The following TYMS variants were observed in gnomAD, a reference collection of about 807,000 sequenced individuals.
The protein encoded by TYMS is thymidylate synthase.
In TYMS, 21 loss-of-function variants were observed where a neutral mutation model predicts 39.3. The observed-to-expected ratio is 0.54, with a 90% CI of 0.38 to 0.77. The LOEUF (loss-of-function observed/expected upper bound fraction) is 0.77, where lower values mean the gene tolerates loss of function less well. Among genes scored for constraint, TYMS ranks in the 30% least tolerant of loss-of-function variants. TYMS has a pLI of 0.00. For missense variants in TYMS, 273 were observed against 406.7 expected, an observed-to-expected ratio of 0.67 and a Z score of 2.83; for synonymous variants, 171 against 162.2, an observed-to-expected ratio of 1.05 and a Z score of -0.41.
chr18:658,401 TGGGCGGGGCAAAGGC>T lies in TYMS; in HGVS notation c.205+457_205+471del, dbSNP rs2074717142. 8.2e-7 allele frequency: 1 copy of T among 1,222,206 alleles called. No individual in the cohort carries two copies. The highest frequency in any genetic ancestry group is 1.6e-5 in the African/African-American group (1 of 62,628). The allele number at this position is 1,222,206 out of a possible 1,614,324, so 75.7% of individuals were successfully genotyped here. ...TTCAAAAACTGGAGCGAAAGTGATG[TGGGCGGGGCAAAGGC>T]GGCGGGAAGAGGAGAGCACTGAAGC... On this transcript the variant is annotated intron_variant, in intron 1 of 6. Coordinates refer to ENST00000323274, the MANE Select transcript of TYMS (RefSeq NM_001071.4). This position sits in a 1 kb window ranked among gnomAD's most constrained non-coding sequence, Gnocchi z 4.5.
intron 3 of TYMS, 28 bp from the exon 4 acceptor site, chr18:669,044 C>G (rs748360699): frequency 1.3e-6 from 2 of 1,565,636 alleles, no homozygotes; most frequent in Non-Finnish European, 1.8e-6. Flanking sequence ...ATGTATGTAC[C>G]TGTCCTCTCT....
intron 3 of TYMS, among the ~76,000 whole-genome samples, chr18:664,629 ATTCAGT>A (rs1285415373): frequency 1.4e-5 from 2 of 141,126 alleles, no homozygotes; most frequent in African/African-American, 5.6e-5. Context: ...GTTTTTGCCC[ATTCAGT>A]ATGATATTGG....
At chr18:662,693 T>C (rs1181536865) in intron 3 of TYMS, among the ~76,000 whole-genome samples, 2 of 145,302 alleles carry the variant, frequency 1.4e-5, no homozygotes, top group Admixed American at 1.4e-4. Context: ...GTCCCCAGAG[T>C]GTGATGTTCC....
intron 1 of TYMS, among the ~76,000 whole-genome samples, chr18:659,023 C>T (rs529886190): frequency 6.6e-6 from 1 of 152,298 alleles, no homozygotes; most frequent in South Asian, 2.1e-4. Context: ...GAGCCATAGA[C>T]CTCATTTTTA....
Position 667,547 on chromosome 18 carries a change from TGATGGAGATGGTGATGGTGATGGA to T in TYMS, c.455-1519_455-1496del, listed in dbSNP as rs2074878246. On this transcript the variant is annotated intron_variant, in intron 3 of 6. Coordinates refer to ENST00000323274, the MANE Select transcript of TYMS (RefSeq NM_001071.4). Reference sequence around the variant, plus strand: ...GTGATGGAGATGGTGATGGTGATGGTGATGGAGATGGTGATGGTGATGGAGATGGTGATGGTGATGGTGATGGTG... The same window carrying T: ...GTGATGGAGATGGTGATGGTGATGGTGATGGTGATGGTGATGGTGATGGTG... Among the ~76,000 whole-genome samples, 10 of 44,142 alleles carry T rather than the reference TGATGGAGATGGTGATGGTGATGGA, an allele frequency of 2.3e-4. 1 individual carries two copies. The highest frequency in any genetic ancestry group is 2.8e-4 in the Non-Finnish European group (7 of 24,988). The allele number at this position is 44,142 out of a possible 152,430, so 29.0% of individuals were successfully genotyped here. A position where few individuals can be genotyped will look rare whatever the true frequency, so the allele number is the denominator to read the frequency against.
chr18:669,732 AAGC>A lies in TYMS; in HGVS notation c.556+562_556+564del, dbSNP rs1482499401. On this transcript the variant is annotated intron_variant, in intron 4 of 6. Transcript: ENST00000323274. ...TGTAAGATGTTAACATTTTAAATGG[AAGC>A]AGATGAAGTTCCAGCTCGCTGCCAC... Among the ~76,000 whole-genome samples, 31 of 151,704 alleles carry A rather than the reference AAGC, an allele frequency of 2.0e-4. 1 individual carries two copies. The highest frequency in any genetic ancestry group is 7.3e-4 in the African/African-American group (30 of 41,368).
rs2074709564 is a variant in TYMS, at chr18:658,067, G to A, written c.205+120G>A. The A allele has an allele frequency of 1.3e-6, 2 of 1,574,210 alleles. No individual in the cohort carries two copies. The highest frequency in any genetic ancestry group is 1.8e-5 in the Admixed American group (1 of 55,326). On this transcript the variant is annotated intron_variant, in intron 1 of 6. Transcript: ENST00000323274. The surrounding 1 kb of genome is among the most constrained non-coding windows in gnomAD (Gnocchi z 4.5). ...TTAGTCCTAACCTCAATCCTGCGAG[G>A]GAGGGGACGCATCGTCCTCCTCGCC... is the stretch of plus-strand genomic sequence containing the variant.
intron 4 of TYMS, 98 bp downstream of exon 4, chr18:669,271 G>C (rs1429863548): frequency 1.0e-6 from 1 of 953,968 alleles, no homozygotes; most frequent in African/African-American, 1.8e-5. Context: ...CAGGACCCTG[G>C]GAACTTCCCC....
chr18:666,320 T>G (rs1398639642), intron 3 of TYMS, among the ~76,000 whole-genome samples: 2 of 151,944 alleles, frequency 1.3e-5, no homozygotes, highest in South Asian at 2.1e-4. Flanking sequence ...TAATCTCCCT[T>G]TCGAGGCTGA....
rs896214367 is a variant in TYMS, at chr18:671,707, C to T, written c.804+256C>T. On this transcript the variant is annotated intron_variant, in intron 6 of 6. Transcript: ENST00000323274. ...CAGAGAGGGAAGAGCCACATTCAAG[C>T]CAGGGGATTGTCCAAAAGGGGGCAT... is the stretch of plus-strand genomic sequence containing the variant. The T allele has an allele frequency of 6.0e-6, 3 of 501,288 alleles. No individual in the cohort carries two copies. In the African/African-American group the frequency reaches 6.1e-5, roughly 10 times the overall value. The allele number at this position is 501,288 out of a possible 1,614,324, so 31.1% of individuals were successfully genotyped here.
At chr18:671,729 GCATTTTAACT>G (rs2075060061) in intron 6 of TYMS, 1 of 432,182 alleles carries the variant, frequency 2.3e-6, no homozygotes, top group South Asian at 3.5e-5. Context: ...CCAAAAGGGG[GCATTTTAACT>G]CATTTTAACT....
intron 4 of TYMS, among the ~76,000 whole-genome samples, chr18:669,982 C>A (rs540974235): frequency 1.1e-4 from 17 of 150,738 alleles, no homozygotes; most frequent in Middle Eastern, 6.9e-3. Flanking sequence ...ACAACAACAA[C>A]AAAACTCTAT....
chr18:671,000 A>G (rs996395178), intron 5 of TYMS, 133 bp downstream of exon 5: 65 of 1,080,572 alleles, frequency 6.0e-5, no homozygotes, highest in East Asian at 7.8e-5. Flanking sequence ...TAAGAAATGA[A>G]CCAGCTTTTA....
chr18:669,014 T>C (rs2074922602), intron 3 of TYMS, 58 bp from the exon 4 acceptor site: 1 of 1,438,564 alleles, frequency 7.0e-7, no homozygotes, highest in Non-Finnish European at 9.8e-7. Flanking sequence ...TCTAAGGCCA[T>C]CTCATGACAT....
At chr18:669,259 G>A in intron 4 of TYMS, 86 bp downstream of exon 4, 2 of 1,165,580 alleles carry the variant, frequency 1.7e-6, no homozygotes, top group Non-Finnish European at 2.5e-6. Flanking sequence ...ACCTGAGGGA[G>A]GCAGGACCCT....
rs1184019719 is a variant in TYMS at position 658,017 on chromosome 18, AGCTGCCGGGC to A, written c.205+76_205+85del. On this transcript the variant is annotated intron_variant, in intron 1 of 6. Coordinates refer to ENST00000323274, the MANE Select transcript of TYMS (RefSeq NM_001071.4). The surrounding 1 kb of genome is among the most constrained non-coding windows in gnomAD (Gnocchi z 4.5). ...GGCGCGGCTGGGGAGAGCGCTCGGGAGCTGCCGGGCGCTGCGGACCCCGTTTAGTCCTAAC... is the reference window on the plus strand; with the variant it reads ...GGCGCGGCTGGGGAGAGCGCTCGGGAGCTGCGGACCCCGTTTAGTCCTAAC... The A allele has an allele frequency of 6.5e-7, 1 of 1,528,774 alleles. No individual in the cohort carries two copies. Among genetic ancestry groups the A allele is most frequent in the Non-Finnish European group, 8.8e-7 (1 of 1,139,566 alleles). 94.7% of individuals were successfully genotyped at this position (1,528,774 alleles called of 1,614,324 possible).
intron 4 of TYMS, 35 bp downstream of exon 4, chr18:669,208 C>A (rs1230966552): frequency 6.3e-7 from 1 of 1,579,226 alleles, no homozygotes; most frequent in Admixed American, 1.7e-5. Flanking sequence ...TTTATACTAA[C>A]CATACTCTTA....
chr18:662,726 CGTT>C (rs1289642644), intron 3 of TYMS, among the ~76,000 whole-genome samples: 2 of 151,332 alleles, frequency 1.3e-5, no homozygotes, highest in South Asian at 2.1e-4. Context: ...CATATGTTCT[CGTT>C]GTTCAATTCC....
In TYMS at chr18:660,057, G is replaced by C. The variant is rs1478800019; in HGVS notation, c.279+343G>C. ...TACTCCAGCCTGGGCGACAGAGGGAGAACCCATGTCAAAAACAAAAAAAGA... is the reference window on the plus strand; with the variant it reads ...TACTCCAGCCTGGGCGACAGAGGGACAACCCATGTCAAAAACAAAAAAAGA... On this transcript the variant is annotated intron_variant, in intron 2 of 6. Coordinates refer to ENST00000323274, the MANE Select transcript of TYMS (RefSeq NM_001071.4). This position sits in a 1 kb window ranked among gnomAD's most constrained non-coding sequence, Gnocchi z 4.6. Among the ~76,000 whole-genome samples the C allele has an allele frequency of 6.6e-6, 1 of 152,164 alleles. No individual in the cohort carries two copies. Among genetic ancestry groups the C allele is most frequent in the Non-Finnish European group, 1.5e-5 (1 of 68,032 alleles).
Sources: gnomAD v4.1 joint callset for allele counts (sites outside exome capture counted in the v4.1 genomes callset) on GRCh38, gnomAD v4.1.1 for gene constraint, Gnocchi (gnomAD v3.1) non-coding constraint, MANE v1.5 for transcripts, NCBI Gene and HGNC (gene_info 2026-07-23, HGNC 2026-07-21) for gene names.